CSTPP1: variants seen among roughly 807,000 people sequenced by gnomAD.
CSTPP1 encodes UPF0705 protein C11orf49.
At chr11:47,026,653 G>GGAT in the CSTPP1 span, among the ~76,000 whole-genome samples, 1 of 152,160 alleles carries the variant, frequency 6.6e-6, no homozygotes, top group Admixed American at 6.5e-5. Context: ...CGAGGTGGGT[G>GGAT]GATCACTTGA....
the CSTPP1 span, among the ~76,000 whole-genome samples, chr11:46,961,777 G>A: frequency 1.3e-5 from 2 of 151,948 alleles, no homozygotes; most frequent in African/African-American, 4.8e-5. Flanking sequence ...TTTTACATAT[G>A]AGTATCCAGT....
the CSTPP1 span, among the ~76,000 whole-genome samples, chr11:47,127,671 A>T: frequency 6.6e-6 from 1 of 152,020 alleles, no homozygotes; most frequent in Non-Finnish European, 1.5e-5. Context: ...ATGTACCAGC[A>T]CCTTAATTTA....
chr11:47,042,758 A>G, the CSTPP1 span, among the ~76,000 whole-genome samples: 4 of 152,202 alleles, frequency 2.6e-5, no homozygotes, highest in African/African-American at 7.2e-5. Context: ...AGATATTTTT[A>G]GGAACTTTTT....
the CSTPP1 span, among the ~76,000 whole-genome samples, chr11:47,054,105 C>A: frequency 6.7e-6 from 1 of 150,168 alleles, no homozygotes; most frequent in Admixed American, 6.6e-5. Flanking sequence ...GTCAGGAGAT[C>A]GAGACCATCC....
At chr11:46,964,356 G>A in the CSTPP1 span, among the ~76,000 whole-genome samples, 2 of 151,632 alleles carry the variant, frequency 1.3e-5, no homozygotes, top group African/African-American at 4.9e-5. Flanking sequence ...CGCGATTTCG[G>A]CTCACTGGAA....
chr11:46,962,490 T>C, the CSTPP1 span, among the ~76,000 whole-genome samples: 1 of 152,182 alleles, frequency 6.6e-6, no homozygotes, highest in African/African-American at 2.4e-5. Context: ...GGGATTTTGA[T>C]AGGGATTGTA....
chr11:47,137,189 A>C, the CSTPP1 span: 1 of 998,896 alleles, frequency 1.0e-6, no homozygotes, highest in Non-Finnish European at 1.4e-6. Context: ...CCTACACAGC[A>C]AGACTGTTTG....
chr11:47,089,401 A>G, the CSTPP1 span, among the ~76,000 whole-genome samples: 1 of 152,218 alleles, frequency 6.6e-6, no homozygotes, highest in South Asian at 2.1e-4. Flanking sequence ...ACAAAAACAT[A>G]AGAACTCTCC....
At chr11:47,144,883 C>G in the CSTPP1 span, among the ~76,000 whole-genome samples, 2 of 150,742 alleles carry the variant, frequency 1.3e-5, no homozygotes, top group East Asian at 3.9e-4. Flanking sequence ...AGGTTTAGGG[C>G]GGGGCTCAAT....
At chr11:46,964,712 T>G in the CSTPP1 span, among the ~76,000 whole-genome samples, 3 of 152,212 alleles carry the variant, frequency 2.0e-5, no homozygotes, top group Non-Finnish European at 2.9e-5. Flanking sequence ...TTCATTGAGC[T>G]TTAGGTAGGA....
At chr11:47,033,045 G>A in the CSTPP1 span, among the ~76,000 whole-genome samples, 1 of 152,154 alleles carries the variant, frequency 6.6e-6, no homozygotes, top group African/African-American at 2.4e-5. Flanking sequence ...TATTCATTAA[G>A]TTAAAGTGGA....
At chr11:47,161,720 C>T in the CSTPP1 span, 6 of 1,510,494 alleles carry the variant, frequency 4.0e-6, no homozygotes, top group Admixed American at 6.5e-5. Context: ...TCCTCTCCAG[C>T]ACCTTGCTGT....
the CSTPP1 span, among the ~76,000 whole-genome samples, chr11:47,043,271 C>T: frequency 1.3e-5 from 2 of 152,104 alleles, no homozygotes; most frequent in South Asian, 4.2e-4. Context: ...TAGCCAGGTG[C>T]GGTGGTGCAC....
the CSTPP1 span, chr11:47,052,450 C>A: frequency 6.2e-7 from 1 of 1,613,850 alleles, no homozygotes; most frequent in Non-Finnish European, 8.5e-7. Context: ...GTCCAAGCCA[C>A]CCCCCACAAT....
chr11:47,006,672 C>T, the CSTPP1 span, among the ~76,000 whole-genome samples: 3 of 151,362 alleles, frequency 2.0e-5, no homozygotes, highest in Admixed American at 6.6e-5. Context: ...GCAGCCTCTA[C>T]CTCCTGGGCT....
the CSTPP1 span, among the ~76,000 whole-genome samples, chr11:47,070,118 T>TA: frequency 6.6e-6 from 1 of 151,834 alleles, no homozygotes; most frequent in Non-Finnish European, 1.5e-5. Context: ...ACAGTGCACA[T>TA]GCCGGTAATC....
chr11:47,107,713 A>G, the CSTPP1 span, among the ~76,000 whole-genome samples: 1 of 152,292 alleles, frequency 6.6e-6, no homozygotes, highest in South Asian at 2.1e-4. Flanking sequence ...TTCTCCTAAA[A>G]TGTTCTGAAG....
At chr11:47,014,519 C>T in the CSTPP1 span, among the ~76,000 whole-genome samples, 1 of 151,954 alleles carries the variant, frequency 6.6e-6, no homozygotes, top group African/African-American at 2.4e-5. Context: ...GCCTGACCAA[C>T]GCGGAAAAAC....
At chr11:47,072,183 T>G in the CSTPP1 span, among the ~76,000 whole-genome samples, 4 of 152,216 alleles carry the variant, frequency 2.6e-5, no homozygotes. Flanking sequence ...TGGCTGCTGT[T>G]CCCAGCACAC....
Sources: gnomAD v4.1 joint callset for allele counts (sites outside exome capture counted in the v4.1 genomes callset) on GRCh38, gnomAD v4.1.1 for gene constraint, MANE v1.5 for transcripts, NCBI Gene and HGNC (gene_info 2026-07-23, HGNC 2026-07-21) for gene names.